MMP16: variants seen among roughly 807,000 people sequenced by gnomAD.
MMP16 encodes matrix metallopeptidase 16, also known as matrix metalloproteinase-16.
In MMP16, 12 loss-of-function variants were observed where a neutral mutation model predicts 67.8. The observed-to-expected ratio is 0.18, with a 90% CI of 0.11 to 0.29. The LOEUF is 0.29. Among genes scored for constraint, MMP16 ranks in the 10% least tolerant of loss-of-function variants. The probability of loss-of-function intolerance (pLI) is 1.00; values close to 1 mark genes in which losing one functional copy is unlikely to be tolerated. For synonymous variants in MMP16, 249 were observed against 255.9 expected (o/e 0.97, Z 0.26); for missense variants, 475 against 765.7 (o/e 0.62, Z 4.48).
At chr8:88,159,802 T>C (rs994614716) in intron 4 of MMP16, among the ~76,000 whole-genome samples, 1 of 152,096 alleles carries the variant, frequency 6.6e-6, no homozygotes, top group Non-Finnish European at 1.5e-5. Context: ...TTGAGATACG[T>C]CCCATCAATA....
intron 1 of MMP16, among the ~76,000 whole-genome samples, chr8:88,206,338 T>TA (rs553525589): frequency 8.1e-4 from 122 of 151,534 alleles, no homozygotes; most frequent in South Asian, 1.5e-3. Flanking sequence ...ATGATGATGA[T>TA]AAAAAAAAAT....
At chr8:88,287,648 G>A (rs2130009466) in intron 1 of MMP16, among the ~76,000 whole-genome samples, 1 of 152,204 alleles carries the variant, frequency 6.6e-6, no homozygotes, top group African/African-American at 2.4e-5. Context: ...TACATAAATG[G>A]ATGAGTTGTA....
intron 1 of MMP16, among the ~76,000 whole-genome samples, chr8:88,294,378 CTATACACACATA>C (rs1338416749): frequency 2.0e-5 from 3 of 147,784 alleles, no homozygotes; most frequent in African/African-American, 7.4e-5. Context: ...ATACACACAT[CTATACACACATA>C]TATACATATG....
rs536788470 is a variant in MMP16, at chr8:88,299,683, T to C, written c.132+27392A>G. Among the ~76,000 whole-genome samples the C allele has an allele frequency of 6.6e-5, 10 of 152,300 alleles. No homozygotes were observed. In the South Asian group the frequency reaches 2.1e-3, roughly 32 times the overall value. ...ATGTTATTAGGCTGTCTATAATGTA[T>C]ACTGCAATGATAAGACTTGGGGAAA... On this transcript the variant is annotated intron_variant, in intron 1 of 9. Transcript: ENST00000286614.
At chr8:88,150,836 T>A (rs1281416463) in intron 4 of MMP16, among the ~76,000 whole-genome samples, 5 of 149,854 alleles carry the variant, frequency 3.3e-5, no homozygotes, top group African/African-American at 1.2e-4. Flanking sequence ...AACATCATAA[T>A]GACAGGATCA....
intron 1 of MMP16, among the ~76,000 whole-genome samples, chr8:88,284,471 G>A (rs1243371917): frequency 6.6e-6 from 1 of 151,796 alleles, no homozygotes; most frequent in Non-Finnish European, 1.5e-5. Flanking sequence ...TAGATAACTT[G>A]TCTAAAGCTA....
intron 1 of MMP16, among the ~76,000 whole-genome samples, chr8:88,282,228 C>T (rs1229836662): frequency 6.6e-6 from 1 of 151,990 alleles, no homozygotes; most frequent in Non-Finnish European, 1.5e-5. Context: ...GCGTGCACCA[C>T]CACACCCAGC....
chr8:88,207,934 T>G (rs919916019), intron 1 of MMP16, among the ~76,000 whole-genome samples: 1 of 152,194 alleles, frequency 6.6e-6, no homozygotes, highest in South Asian at 2.1e-4. Context: ...AGGTGAAGGT[T>G]CTAAAGCTGG....
At chr8:88,166,688 C>CATATAT (rs1166566212) in intron 4 of MMP16, among the ~76,000 whole-genome samples, 720 of 58,290 alleles carry the variant, frequency 0.012, 13 homozygotes, top group East Asian at 0.02. Context: ...CAAAAAATTA[C>CATATAT]ATATATATAT....
At chr8:88,323,644 C>T (rs1354874897) in intron 1 of MMP16, among the ~76,000 whole-genome samples, 1 of 151,880 alleles carries the variant, frequency 6.6e-6, no homozygotes, top group African/African-American at 2.4e-5. Context: ...GAAATGTATG[C>T]TATTGTTTAG....
At chr8:88,310,760 C>T (rs1811282223) in intron 1 of MMP16, among the ~76,000 whole-genome samples, 1 of 152,078 alleles carries the variant, frequency 6.6e-6, no homozygotes, top group Admixed American at 6.6e-5. Flanking sequence ...GTACTGAATT[C>T]GCCCATATGC....
chr8:88,169,182 C>T (rs1468129895), intron 3 of MMP16, among the ~76,000 whole-genome samples: 1 of 151,892 alleles, frequency 6.6e-6, no homozygotes, highest in African/African-American at 2.4e-5. Flanking sequence ...ATTATTTTGC[C>T]CTTTTAAGAC....
At chr8:88,134,416 T>G (rs974689101) in intron 4 of MMP16, among the ~76,000 whole-genome samples, 2 of 151,802 alleles carry the variant, frequency 1.3e-5, no homozygotes, top group African/African-American at 2.4e-5. Flanking sequence ...TTATAAAATA[T>G]GTACCTAGAA....
chr8:88,051,249 C>T (rs1369010608), intron 8 of MMP16, among the ~76,000 whole-genome samples: 1 of 152,116 alleles, frequency 6.6e-6, no homozygotes, highest in East Asian at 1.9e-4. Flanking sequence ...AAAATCTCAT[C>T]CCACTGAGTT....
chr8:88,321,747 C>G (rs563924835), intron 1 of MMP16, among the ~76,000 whole-genome samples: 1 of 152,196 alleles, frequency 6.6e-6, no homozygotes, highest in South Asian at 2.1e-4. Flanking sequence ...TCTAGGCTTA[C>G]GACTATAAAA....
intron 3 of MMP16, among the ~76,000 whole-genome samples, chr8:88,180,996 C>A (rs1052440275): frequency 6.6e-6 from 1 of 152,038 alleles, no homozygotes; most frequent in Non-Finnish European, 1.5e-5. Flanking sequence ...CGCCCATTCA[C>A]AATATATACT....
chr8:88,064,486 TG>T (rs1448378941), intron 7 of MMP16, among the ~76,000 whole-genome samples: 1 of 152,134 alleles, frequency 6.6e-6, no homozygotes, highest in Admixed American at 6.6e-5. Context: ...TGTAAGATCC[TG>T]GGCAAGTCAT....
chr8:88,308,526 G>A (rs1811245903), intron 1 of MMP16, among the ~76,000 whole-genome samples: 1 of 152,002 alleles, frequency 6.6e-6, no homozygotes, highest in African/African-American at 2.4e-5. Context: ...ATAGTAGTTA[G>A]TTCTCAACGA....
At chr8:88,311,597 G>C (rs192762005) in intron 1 of MMP16, among the ~76,000 whole-genome samples, 2 of 152,040 alleles carry the variant, frequency 1.3e-5, no homozygotes, top group East Asian at 3.9e-4. Context: ...TGTTATTTAT[G>C]ACATGTCATT....
Sources: gnomAD v4.1 joint callset for allele counts (sites outside exome capture counted in the v4.1 genomes callset) on GRCh38, gnomAD v4.1.1 for gene constraint, MANE v1.5 for transcripts, NCBI Gene and HGNC (gene_info 2026-07-23, HGNC 2026-07-21) for gene names.